The following FERMT1 variants were observed in gnomAD, a reference collection of about 807,000 sequenced individuals.
The protein encoded by FERMT1 is fermitin family homolog 1.
Under a neutral mutation model 85.3 loss-of-function variants are expected in FERMT1, and 60 were observed. That is an observed-to-expected ratio of 0.70 (90% CI 0.57 to 0.87). The LOEUF (loss-of-function observed/expected upper bound fraction) is 0.87, where lower values mean the gene tolerates loss of function less well. Ranked by LOEUF, FERMT1 falls within the 40% of genes least tolerant of loss-of-function variation. FERMT1 has a pLI of 0.00. For synonymous variants in FERMT1, 275 were observed against 301.1 expected, an observed-to-expected ratio of 0.91 and a Z score of 0.90; for missense variants, 701 against 818.9, an observed-to-expected ratio of 0.86 and a Z score of 1.76.
chr20:6,097,935 C>T (rs1982555108), intron 6 of FERMT1, among the ~76,000 whole-genome samples: 1 of 152,190 alleles, frequency 6.6e-6, no homozygotes, highest in Admixed American at 6.5e-5. Context: ...GTGCCCCAGC[C>T]TCCCAAGTAG....
intron 9 of FERMT1, among the ~76,000 whole-genome samples, chr20:6,090,746 T>A (rs563846998): frequency 9.6e-4 from 146 of 151,846 alleles, no homozygotes; most frequent in African/African-American, 3.2e-3. Context: ...AAATAAAATT[T>A]AAAAACCCAG....
At chr20:6,119,904 C>T (rs1207974921) in intron 1 of FERMT1, among the ~76,000 whole-genome samples, 1 of 152,162 alleles carries the variant, frequency 6.6e-6, no homozygotes, top group African/African-American at 2.4e-5. Flanking sequence ...TTGACCTTCT[C>T]TCAACTATTC....
At chr20:6,118,334 T>C (rs373685765) in intron 2 of FERMT1, among the ~76,000 whole-genome samples, 2 of 152,006 alleles carry the variant, frequency 1.3e-5, no homozygotes, top group East Asian at 1.9e-4. Context: ...AATCAAGCAA[T>C]GATTCCTGTG....
chr20:6,078,826 A>ACAGG (rs958583948), intron 14 of FERMT1, among the ~76,000 whole-genome samples: 1 of 152,156 alleles, frequency 6.6e-6, no homozygotes, highest in African/African-American at 2.4e-5. Flanking sequence ...TTTCCATGAT[A>ACAGG]CAGGCTTGGC....
intron 6 of FERMT1, among the ~76,000 whole-genome samples, chr20:6,105,417 C>G (rs982428666): frequency 6.6e-6 from 1 of 152,156 alleles, no homozygotes; most frequent in Non-Finnish European, 1.5e-5. Context: ...TTTAGCATTT[C>G]CTCTCAGGAT....
rs149092699 is a variant in FERMT1 at position 6,110,407 on chromosome 20, C to T, written c.637G>A (p.Glu213Lys). ...MTWFSDSPLT[E>K]QNCSILAFSQ... The stretch of plus-strand genomic sequence containing the variant: ...AATGCGAGGATGCTGCAGTTTTGTT[C>T]CGTCAAAGGGCTGTCACTGAACCAA... Residue 213 changes from glutamate (E) to lysine (K), a missense_variant, in exon 5 of 15, where the codon GAA (glutamate) becomes AAA (lysine). Physicochemically the swap from Glu to Lys is moderately conservative, Grantham distance 56 (BLOSUM62 1). Coordinates refer to ENST00000217289, the MANE Select transcript of FERMT1 (RefSeq NM_017671.5). 169 of 1,614,016 alleles carry T rather than the reference C, an allele frequency of 1.0e-4. No homozygotes were observed. In the African/African-American group the frequency reaches 2.0e-3, roughly 19 times the overall value.
intron 6 of FERMT1, among the ~76,000 whole-genome samples, chr20:6,100,200 T>C (rs1982624149): frequency 6.6e-6 from 1 of 152,160 alleles, no homozygotes; most frequent in Non-Finnish European, 1.5e-5. Context: ...ACAATCCAAA[T>C]GTTCATTGAT....
At chr20:6,106,167 G>A (rs1208032176) in intron 6 of FERMT1, among the ~76,000 whole-genome samples, 6 of 152,110 alleles carry the variant, frequency 3.9e-5, no homozygotes, top group Admixed American at 2.6e-4. Flanking sequence ...AGATTTTATC[G>A]AAGAAAAGCC....
Position 6,076,558 on chromosome 20 carries a change from T to C in FERMT1, c.*615A>G. 2.1e-6 allele frequency: 1 copy of C among 469,730 alleles called. No individual in the cohort carries two copies. Among genetic ancestry groups the C allele is most frequent in the Non-Finnish European group, 4.3e-6 (1 of 234,700 alleles). 29.1% of individuals were successfully genotyped at this position (469,730 alleles called of 1,614,324 possible). On this transcript the variant is annotated 3_prime_UTR_variant, in exon 15 of 15. Transcript: ENST00000217289. ...GTGGTCATCTTGGCAGGTATCACTGTGGACAGATGACACTGAGGGCCACTC... is the reference window on the plus strand; with the variant it reads ...GTGGTCATCTTGGCAGGTATCACTGCGGACAGATGACACTGAGGGCCACTC...
intron 13 of FERMT1, 88 bp from the exon 14 acceptor site, chr20:6,079,665 C>T: frequency 8.1e-7 from 1 of 1,240,432 alleles, no homozygotes; most frequent in Non-Finnish European, 1.2e-6. Flanking sequence ...AAAATACTAC[C>T]AGTATTTCTG....
Position 6,088,835 on chromosome 20 carries a change from G to T in FERMT1, c.1264+130C>A, listed in dbSNP as rs937209966. On this transcript the variant is annotated intron_variant, in intron 10 of 14. Coordinates refer to ENST00000217289, the MANE Select transcript of FERMT1 (RefSeq NM_017671.5). ...GATGGGGTTTCACCATCTTGGCCAG[G>T]CTGGTCTCGAACTCCTGACCTCAGG... The T allele has an allele frequency of 6.2e-6, 5 of 804,402 alleles. No homozygotes were observed. The African/African-American group carries it at 6.9e-5, about 11-fold the overall frequency. The allele number at this position is 804,402 out of a possible 1,614,324, so 49.8% of individuals were successfully genotyped here.
At position 6,110,402 on chromosome 20, in the gene FERMT1, T is replaced by C; in HGVS notation, c.642A>G (p.Gln214=). 1 of 1,614,102 alleles carries C rather than the reference T, an allele frequency of 6.2e-7. No homozygotes were observed. Among genetic ancestry groups the C allele is most frequent in the Non-Finnish European group, 8.5e-7 (1 of 1,180,002 alleles). The change falls in exon 5 of 15, where the codon CAA becomes CAG. Residue 214 remains glutamine (Q), a synonymous_variant. Transcript: ENST00000217289. ...TWFSDSPLTE[Q]NCSILAFSQP... ...GGCTGAATGCGAGGATGCTGCAGTT[T>C]TGTTCCGTCAAAGGGCTGTCACTGA...
chr20:6,089,446 G>A (rs1982285883), intron 9 of FERMT1, among the ~76,000 whole-genome samples: 1 of 152,196 alleles, frequency 6.6e-6, no homozygotes, highest in Non-Finnish European at 1.5e-5. Context: ...TCTACATGAA[G>A]AGCTTATCAC....
chr20:6,119,447 G>T lies in FERMT1; in HGVS notation c.108C>A (p.Asp36Glu). 6.2e-7 allele frequency: 1 copy of T among 1,614,088 alleles called. No homozygotes were observed. The highest frequency in any genetic ancestry group is 8.5e-7 in the Non-Finnish European group (1 of 1,179,940). ...QKDVTLRVSG[D>E]LHVGGVMLKL... ...TGAGCATCACTCCTCCAACATGAAG[G>T]TCTCCAGATACTCTCAGTGTGACGT... Residue 36 changes from aspartate (D) to glutamate (E), a missense_variant, in exon 2 of 15, where the codon GAC (aspartate) becomes GAA (glutamate). Asp to Glu is a conservative substitution (Grantham distance 45). Coordinates refer to ENST00000217289, the MANE Select transcript of FERMT1 (RefSeq NM_017671.5).
intron 9 of FERMT1, among the ~76,000 whole-genome samples, chr20:6,089,952 CTGGCCG>C (rs1982304307): frequency 6.6e-6 from 1 of 152,176 alleles, no homozygotes; most frequent in African/African-American, 2.4e-5. Flanking sequence ...TGGAAGAAAC[CTGGCCG>C]TGGGGGCAGA....
intron 3 of FERMT1, among the ~76,000 whole-genome samples, chr20:6,112,833 C>T (rs1734282414): frequency 1.3e-5 from 2 of 152,248 alleles, no homozygotes; most frequent in South Asian, 4.2e-4. Flanking sequence ...GAGGGAGATT[C>T]AGTCTAGTGA....
chr20:6,090,815 A>G (rs1982335447), intron 9 of FERMT1, among the ~76,000 whole-genome samples: 1 of 152,186 alleles, frequency 6.6e-6, no homozygotes, highest in South Asian at 2.1e-4. Flanking sequence ...AATAAATTTG[A>G]AAAACATTAT....
In FERMT1 at chr20:6,097,048, G is replaced by C. The variant is rs376785233; in HGVS notation, c.958-15C>G. On this transcript the variant is annotated splice_polypyrimidine_tract_variant and intron_variant, in intron 7 of 14. Transcript: ENST00000217289. Reference sequence around the variant, plus strand: ...CTAATGTGGTACTAAAATGAAAACAGACGTTTTAGAAATGTTATAAACAGA... The same window carrying C: ...CTAATGTGGTACTAAAATGAAAACACACGTTTTAGAAATGTTATAAACAGA... 7 of 1,611,468 alleles carry C rather than the reference G, an allele frequency of 4.3e-6. No homozygotes were observed. Among genetic ancestry groups the C allele is most frequent in the Non-Finnish European group, 5.1e-6 (6 of 1,177,946 alleles).
rs1175624618 is a variant in FERMT1 at position 6,104,787 on chromosome 20, TA to T, written c.849+2744del. On this transcript the variant is annotated intron_variant, in intron 6 of 14. Transcript: ENST00000217289. This position sits in a 1 kb window ranked among gnomAD's most constrained non-coding sequence, Gnocchi z 4.2. The stretch of plus-strand genomic sequence containing the variant: ...GATTCGTTTGATTTCTTCCACTTTT[TA>T]GACAAATACATATTTAACCCTGCTC... 6.6e-6 allele frequency among the ~76,000 whole-genome samples: 1 copy of T among 152,242 alleles called. No homozygotes were observed. Among genetic ancestry groups the T allele is most frequent in the African/African-American group, 2.4e-5 (1 of 41,468 alleles).
Sources: allele counts gnomAD v4.1 joint callset (sites outside exome capture counted in the v4.1 genomes callset), GRCh38; gene constraint gnomAD v4.1.1; non-coding constraint Gnocchi (gnomAD v3.1); transcripts MANE v1.5; gene names NCBI Gene and HGNC (gene_info 2026-07-23, HGNC 2026-07-21).